PLD5: variants seen among roughly 807,000 people sequenced by gnomAD.
The protein encoded by PLD5 is inactive phospholipase D5.
In PLD5, 36 loss-of-function variants were observed where a neutral mutation model predicts 61.1. The ratio of observed to expected loss-of-function variants is 0.59; its 90% CI spans 0.45 to 0.78. PLD5 has a LOEUF of 0.78. Ranked by LOEUF, PLD5 falls within the 30% of genes least tolerant of loss-of-function variation. The pLI, the probability that PLD5 is intolerant of heterozygous loss-of-function variation, is 0.00. For synonymous variants in PLD5, 243 were observed against 242.8 expected (o/e 1.00, Z -0.01); for missense variants, 515 against 644.4 (o/e 0.80, Z 2.17).
At chr1:242,526,589 C>A (rs991870117), upstream of PLD5, among the ~76,000 whole-genome samples, 4 of 152,178 alleles carry the variant, frequency 2.6e-5, no homozygotes, top group African/African-American at 9.7e-5. Context: ...GTGCACGTCA[C>A]CACGCCCAGC....
chr1:242,257,001 TATCTATCTATC>T (rs1033422797), intron 4 of PLD5, among the ~76,000 whole-genome samples: 5 of 151,198 alleles, frequency 3.3e-5, no homozygotes, highest in Non-Finnish European at 3.0e-5. Context: ...TTCTATCATC[TATCTATCTATC>T]ATCTATCTAT....
chr1:242,105,266 C>T (rs762293583), intron 8 of PLD5, among the ~76,000 whole-genome samples: 11 of 151,742 alleles, frequency 7.2e-5, no homozygotes, highest in Non-Finnish European at 1.2e-4. Flanking sequence ...CTCTGTCTCC[C>T]GGGCTGGAAT....
At chr1:242,488,822 G>C (rs980738719) in intron 1 of PLD5, among the ~76,000 whole-genome samples, 2 of 152,150 alleles carry the variant, frequency 1.3e-5, no homozygotes, top group Admixed American at 1.3e-4. Flanking sequence ...AAGGGAAGCT[G>C]TCAGGGAAGG....
intron 5 of PLD5, among the ~76,000 whole-genome samples, chr1:242,141,561 C>T (rs557663526): frequency 6.6e-6 from 1 of 152,248 alleles, no homozygotes; most frequent in African/African-American, 2.4e-5. Flanking sequence ...GTTTTAATTC[C>T]TTCTATTCCC....
In PLD5 at chr1:242,337,053, C is replaced by CA. The variant is rs573158648; in HGVS notation, c.326+11052dup. 7.5e-3 allele frequency among the ~76,000 whole-genome samples: 1,136 copies of CA among 151,978 alleles called. 14 individuals are homozygous for CA. Among genetic ancestry groups the CA allele is most frequent in the African/African-American group, 0.021 (862 of 41,476 alleles). On this transcript the variant is annotated intron_variant, in intron 2 of 9. Coordinates refer to ENST00000536534, the MANE Select transcript of PLD5 (RefSeq NM_001372062.1). ...CACAGTAGGTAGACGAGCTGAGATG[C>CA]AAATCAGGTCTCCTGGATGTAGAGC...
intron 5 of PLD5, among the ~76,000 whole-genome samples, chr1:242,144,185 TAAAAAATA>T (rs1558267979): frequency 1.7e-4 from 21 of 122,908 alleles, no homozygotes; most frequent in Non-Finnish European, 3.1e-4. Context: ...TTTATTTTTT[TAAAAAATA>T]TTATTAAACA....
At chr1:242,131,407 G>A (rs1030906574) in intron 5 of PLD5, among the ~76,000 whole-genome samples, 1 of 152,092 alleles carries the variant, frequency 6.6e-6, no homozygotes, top group African/African-American at 2.4e-5. Context: ...GGAGGGTTTG[G>A]GTTTCATACA....
intron 3 of PLD5, among the ~76,000 whole-genome samples, chr1:242,273,801 C>T (rs1469104102): frequency 1.3e-5 from 2 of 152,180 alleles, no homozygotes; most frequent in African/African-American, 2.4e-5. Context: ...GAGGAGAAGA[C>T]ACTGTGAAGA....
chr1:242,159,111 A>C (rs1429944016), intron 5 of PLD5, among the ~76,000 whole-genome samples: 1 of 152,156 alleles, frequency 6.6e-6, no homozygotes, highest in Non-Finnish European at 1.5e-5. Context: ...TAATATATTG[A>C]TACGCCCCAT....
At chr1:242,193,960 G>A (rs1305704307) in intron 5 of PLD5, among the ~76,000 whole-genome samples, 1 of 152,144 alleles carries the variant, frequency 6.6e-6, no homozygotes, top group Non-Finnish European at 1.5e-5. Flanking sequence ...ATCTTCCAAG[G>A]GGCTAACAAG....
chr1:242,185,943 C>CA lies in PLD5; in HGVS notation c.735+34044dup, dbSNP rs1667848881. ...GAGCCAGCATCTGTCAGCACAAACT[C>CA]AGAGTGATTACCCAGAAATAGGTGC... On this transcript the variant is annotated intron_variant, in intron 5 of 9. Transcript: ENST00000536534. Among the ~76,000 whole-genome samples, 3 of 152,148 alleles carry CA rather than the reference C, an allele frequency of 2.0e-5. No homozygotes were observed. In the South Asian group the frequency reaches 6.2e-4, roughly 32 times the overall value.
intron 2 of PLD5, among the ~76,000 whole-genome samples, chr1:242,334,019 G>C (rs1258300819): frequency 6.6e-6 from 1 of 152,152 alleles, no homozygotes; most frequent in African/African-American, 2.4e-5. Context: ...ATACCCAGTA[G>C]TGGAATTGCT....
At chr1:242,303,180 A>G (rs1206173657) in intron 2 of PLD5, among the ~76,000 whole-genome samples, 1 of 152,208 alleles carries the variant, frequency 6.6e-6, no homozygotes, top group Non-Finnish European at 1.5e-5. Flanking sequence ...GTTGATAGAA[A>G]AGTTATAGCC....
rs902616187 is a variant in PLD5, at chr1:242,190,138, C to CTTTTTTT, written c.735+29843_735+29849dup. Among the ~76,000 whole-genome samples, 33 of 74,400 alleles carry CTTTTTTT rather than the reference C, an allele frequency of 4.4e-4. 1 individual carries two copies. The highest frequency in any genetic ancestry group is 1.0e-3 in the East Asian group (2 of 1,962). 48.8% of individuals were successfully genotyped at this position (74,400 alleles called of 152,430 possible). On this transcript the variant is annotated intron_variant, in intron 5 of 9. Coordinates refer to ENST00000536534, the MANE Select transcript of PLD5 (RefSeq NM_001372062.1). Reference sequence around the variant, plus strand: ...TATCTGTATTTTCCTGACAGGACTCCTTTTTTTTTTTTTTTTTTTTTTTTT... The same window carrying CTTTTTTT: ...TATCTGTATTTTCCTGACAGGACTCCTTTTTTTTTTTTTTTTTTTTTTTTTTTTTTTT...
At chr1:242,124,328 CA>C (rs1282127419) in intron 6 of PLD5, 139 bp downstream of exon 6, 6 of 700,636 alleles carry the variant, frequency 8.6e-6, no homozygotes, top group Non-Finnish European at 1.2e-5. Context: ...AGGGTGGACG[CA>C]TTTTAACTCT....
At chr1:242,312,710 G>C (rs1302539292) in intron 2 of PLD5, among the ~76,000 whole-genome samples, 1 of 152,170 alleles carries the variant, frequency 6.6e-6, no homozygotes, top group African/African-American at 2.4e-5. Context: ...TTGCAAATAT[G>C]GTCTAAATCT....
intron 5 of PLD5, among the ~76,000 whole-genome samples, chr1:242,146,570 A>T (rs1664558327): frequency 1.3e-5 from 2 of 152,190 alleles, no homozygotes; most frequent in Non-Finnish European, 2.9e-5. Flanking sequence ...CACTTGAAGA[A>T]ATTTTTATAG....
intron 5 of PLD5, among the ~76,000 whole-genome samples, chr1:242,207,162 CCAA>C (rs1462630416): frequency 1.3e-5 from 2 of 152,168 alleles, no homozygotes; most frequent in African/African-American, 4.8e-5. Flanking sequence ...AAATACCTCC[CCAA>C]CAACATCTAG....
chr1:242,158,706 C>T (rs1428151064), intron 5 of PLD5, among the ~76,000 whole-genome samples: 1 of 152,108 alleles, frequency 6.6e-6, no homozygotes, highest in African/African-American at 2.4e-5. Flanking sequence ...GCAGAAATCA[C>T]CCGCTTTCTG....
Sources: allele counts gnomAD v4.1 joint callset (sites outside exome capture counted in the v4.1 genomes callset), GRCh38; gene constraint gnomAD v4.1.1; transcripts MANE v1.5; gene names NCBI Gene and HGNC (gene_info 2026-07-23, HGNC 2026-07-21).